The following CTNND2 variants were observed in gnomAD, a reference collection of about 807,000 sequenced individuals.
The protein encoded by CTNND2 is catenin delta-2.
CTNND2 carries 22 observed loss-of-function variants against 144.4 expected under a neutral mutation model. The ratio of observed to expected loss-of-function variants is 0.15; its 90% CI spans 0.11 to 0.22. The LOEUF is 0.22. CTNND2 is among the 10% of genes least tolerant of loss of function. The pLI, the probability that CTNND2 is intolerant of heterozygous loss-of-function variation, is 1.00. For synonymous variants in CTNND2, 751 were observed against 695.6 expected (o/e 1.08, Z -1.25); for missense variants, 1,353 against 1,618.8 (o/e 0.84, Z 2.82).
At chr5:11,649,109 T>G (rs1782513818) in intron 2 of CTNND2, among the ~76,000 whole-genome samples, 1 of 152,228 alleles carries the variant, frequency 6.6e-6, no homozygotes, top group Admixed American at 6.5e-5. Flanking sequence ...TATTTATTTT[T>G]ATGGGTCAAA....
intron 3 of CTNND2, among the ~76,000 whole-genome samples, chr5:11,470,314 A>G (rs940317508): frequency 6.6e-6 from 1 of 152,054 alleles, no homozygotes; most frequent in African/African-American, 2.4e-5. Flanking sequence ...CATGCCTGTA[A>G]TCCCAGCTAC....
intron 1 of CTNND2, among the ~76,000 whole-genome samples, chr5:11,899,738 G>T (rs1436716847): frequency 6.6e-6 from 1 of 152,090 alleles, no homozygotes; most frequent in Non-Finnish European, 1.5e-5. Flanking sequence ...TATCCTCAAA[G>T]AAATCTTTTA....
chr5:11,538,729 AT>A (rs1171877501), intron 3 of CTNND2, among the ~76,000 whole-genome samples: 14 of 152,106 alleles, frequency 9.2e-5, no homozygotes, highest in Non-Finnish European at 2.1e-4. Context: ...CCTGTTAGTT[AT>A]TTTTTTGTGA....
chr5:11,640,916 T>C (rs1163875809), intron 2 of CTNND2, among the ~76,000 whole-genome samples: 1 of 152,188 alleles, frequency 6.6e-6, no homozygotes, highest in Non-Finnish European at 1.5e-5. Flanking sequence ...ATATCCCAGA[T>C]GGCATTAGGA....
At chr5:11,133,731 A>G (rs1173088690) in intron 12 of CTNND2, among the ~76,000 whole-genome samples, 4 of 152,248 alleles carry the variant, frequency 2.6e-5, no homozygotes, top group Admixed American at 2.0e-4. Context: ...AGAAGTACCA[A>G]TGAGGTCTTG....
chr5:11,023,056 G>A (rs1057202875), intron 16 of CTNND2, 77 bp from the exon 17 acceptor site: 1 of 1,346,576 alleles, frequency 7.4e-7, no homozygotes. Flanking sequence ...TGGGTATGGG[G>A]GAGAAGAGAA....
Position 11,017,603 on chromosome 5 carries a change from C to CATATATATATATATATATATCTTTCCAT in CTNND2, c.3084+370_3084+371insATGGAAAGATATATATATATATATATAT, listed in dbSNP as rs55835829. Reference sequence around the variant, plus strand: ...CTTTCCATATATATATATATCTTTCCATATATATATATATATATTTCCAAA... The same window carrying CATATATATATATATATATATCTTTCCAT: ...CTTTCCATATATATATATATCTTTCCATATATATATATATATATATCTTTCCATATATATATATATATATATTTCCAAA... On this transcript the variant is annotated intron_variant, in intron 18 of 21. Coordinates refer to ENST00000304623, the MANE Select transcript of CTNND2 (RefSeq NM_001332.4). 3.2e-3 allele frequency among the ~76,000 whole-genome samples: 324 copies of CATATATATATATATATATATCTTTCCAT among 99,952 alleles called. 1 individual carries two copies. Among genetic ancestry groups the CATATATATATATATATATATCTTTCCAT allele is most frequent in the African/African-American group, 0.016 (309 of 19,706 alleles). The allele number at this position is 99,952 out of a possible 152,430, so 65.6% of individuals were successfully genotyped here.
intron 2 of CTNND2, among the ~76,000 whole-genome samples, chr5:11,703,491 G>T (rs903274672): frequency 3.9e-5 from 6 of 152,176 alleles, no homozygotes; most frequent in Non-Finnish European, 7.3e-5. Context: ...GGGCTACACA[G>T]GCAAATCTCC....
At chr5:11,268,000 G>A (rs747177063) in intron 9 of CTNND2, among the ~76,000 whole-genome samples, 2 of 152,180 alleles carry the variant, frequency 1.3e-5, no homozygotes, top group Admixed American at 1.3e-4. Flanking sequence ...AATGATTGTT[G>A]CGAAGTCCCA....
At chr5:11,576,413 A>G (rs1451399091) in intron 2 of CTNND2, among the ~76,000 whole-genome samples, 1 of 149,988 alleles carries the variant, frequency 6.7e-6, no homozygotes, top group Non-Finnish European at 1.5e-5. Context: ...ATAATTATAT[A>G]TAAATATATA....
chr5:11,309,345 G>A (rs1410405779), intron 9 of CTNND2, among the ~76,000 whole-genome samples: 2 of 152,206 alleles, frequency 1.3e-5, no homozygotes, highest in African/African-American at 4.8e-5. Flanking sequence ...CAAGGCTTTG[G>A]GAGCCCACCC....
intron 3 of CTNND2, among the ~76,000 whole-genome samples, chr5:11,435,509 G>A (rs1455973734): frequency 6.6e-6 from 1 of 152,114 alleles, no homozygotes; most frequent in Non-Finnish European, 1.5e-5. Context: ...CTCTACTGTA[G>A]TTACTGAACT....
At chr5:11,154,829 C>T (rs1458316401) in intron 12 of CTNND2, among the ~76,000 whole-genome samples, 1 of 152,204 alleles carries the variant, frequency 6.6e-6, no homozygotes, top group African/African-American at 2.4e-5. Context: ...GGTGTTGCAG[C>T]AATTCTTAGT....
At chr5:11,591,408 A>C (rs540409716) in intron 2 of CTNND2, among the ~76,000 whole-genome samples, 43 of 152,282 alleles carry the variant, frequency 2.8e-4, no homozygotes, top group African/African-American at 1.0e-3. Context: ...CAACCCATAC[A>C]TTAGCTCCTA....
At chr5:11,263,541 G>A (rs931415310) in intron 9 of CTNND2, among the ~76,000 whole-genome samples, 1 of 152,050 alleles carries the variant, frequency 6.6e-6, no homozygotes, top group African/African-American at 2.4e-5. Context: ...GTGAGGTGGA[G>A]AAAGAGTGAA....
chr5:11,779,280 G>T (rs1254920022), intron 1 of CTNND2, among the ~76,000 whole-genome samples: 1 of 152,136 alleles, frequency 6.6e-6, no homozygotes, highest in South Asian at 2.1e-4. Context: ...AACTATTTTT[G>T]TCTTCTCACT....
intron 1 of CTNND2, among the ~76,000 whole-genome samples, chr5:11,823,443 T>A (rs938698050): frequency 6.6e-6 from 1 of 152,216 alleles, no homozygotes; most frequent in Non-Finnish European, 1.5e-5. Context: ...ATTCTGAAAG[T>A]GTAACAGCCA....
chr5:11,065,108 G>C (rs976570124), intron 16 of CTNND2, among the ~76,000 whole-genome samples: 1 of 152,204 alleles, frequency 6.6e-6, no homozygotes, highest in African/African-American at 2.4e-5. Flanking sequence ...ACGAGGGGTG[G>C]AGGTGGCCTT....
At chr5:11,693,667 C>T (rs990065450) in intron 2 of CTNND2, among the ~76,000 whole-genome samples, 8 of 152,174 alleles carry the variant, frequency 5.3e-5, no homozygotes, top group African/African-American at 1.9e-4. Context: ...TACAGAAATG[C>T]TCCATAAATA....
Sources: gnomAD v4.1 joint callset for allele counts (sites outside exome capture counted in the v4.1 genomes callset) on GRCh38, gnomAD v4.1.1 for gene constraint, MANE v1.5 for transcripts, NCBI Gene and HGNC (gene_info 2026-07-23, HGNC 2026-07-21) for gene names.